ESD: variants seen among roughly 807,000 people sequenced by gnomAD.
ESD encodes the protein S-formylglutathione hydrolase.
ESD carries 34 observed loss-of-function variants against 38.1 expected under a neutral mutation model. That is an observed-to-expected ratio of 0.89 (90% confidence interval 0.68 to 1.19). The LOEUF (loss-of-function observed/expected upper bound fraction) is 1.19. Among genes scored for constraint, ESD ranks in the 50% most tolerant of loss-of-function variants. The pLI is 0.00. For missense variants in ESD, 334 were observed against 327.2 expected, an observed-to-expected ratio of 1.02 and a Z score of -0.16; for synonymous variants, 97 against 107.0, an observed-to-expected ratio of 0.91 and a Z score of 0.58.
chr13:46,775,418 G>A (rs570472656), intron 9 of ESD: 19 of 219,738 alleles, frequency 8.6e-5, no homozygotes, highest in South Asian at 4.9e-4. Flanking sequence ...TTCTCAGATC[G>A]TTTATTTATA....
At chr13:46,773,324 T>G (rs766704454) in intron 9 of ESD, among the ~76,000 whole-genome samples, 20 of 152,216 alleles carry the variant, frequency 1.3e-4, no homozygotes, top group Non-Finnish European at 2.2e-4. Flanking sequence ...CACCACACTA[T>G]CTTCTACAAT....
chr13:46,791,447 T>A (rs2138304513), intron 2 of ESD, 27 bp from the exon 3 acceptor site: 1 of 1,553,608 alleles, frequency 6.4e-7, no homozygotes, highest in African/African-American at 1.4e-5. Context: ...ATCTCATTAA[T>A]TTCCAGAGAA....
At chr13:46,787,343 T>A (rs1326108171) in intron 3 of ESD, among the ~76,000 whole-genome samples, 2 of 152,014 alleles carry the variant, frequency 1.3e-5, no homozygotes, top group Non-Finnish European at 2.9e-5. Context: ...ATACTTTGCA[T>A]GGCACTGTCA....
At chr13:46,784,588 A>T in intron 4 of ESD, among the ~76,000 whole-genome samples, 1 of 152,102 alleles carries the variant, frequency 6.6e-6, no homozygotes, top group East Asian at 1.9e-4. Context: ...TAAAAGTTGA[A>T]ATTATTAAAA....
chr13:46,775,146 T>C (rs763807666), intron 9 of ESD, among the ~76,000 whole-genome samples: 2 of 152,072 alleles, frequency 1.3e-5, no homozygotes, highest in Non-Finnish European at 2.9e-5. Flanking sequence ...ATTTGATCTC[T>C]GTACACTAGA....
At chr13:46,772,273 A>G (rs113723634) in intron 9 of ESD, among the ~76,000 whole-genome samples, 8 of 152,348 alleles carry the variant, frequency 5.3e-5, no homozygotes, top group African/African-American at 1.9e-4. Flanking sequence ...TAAGCAGTTA[A>G]GTTGAAAGAG....
In ESD at chr13:46,771,336, T is replaced by A. The variant is rs1450595947; in HGVS notation, c.*80A>T. On this transcript the variant is annotated 3_prime_UTR_variant, in exon 10 of 10. Transcript: ENST00000378720. ...CACTATAAAATCCAATGTTTTGAAT[T>A]TTTTTTTTTTTTGCTCAGCAATACA... 1.2e-5 allele frequency: 8 copies of A among 659,944 alleles called. No individual in the cohort carries two copies. The highest frequency in any genetic ancestry group is 1.6e-5 in the Non-Finnish European group (7 of 429,434). 40.9% of individuals were successfully genotyped at this position (659,944 alleles called of 1,614,324 possible).
intron 4 of ESD, 100 bp from the exon 5 acceptor site, chr13:46,784,450 G>A (rs930590373): frequency 1.6e-5 from 13 of 798,184 alleles, no homozygotes; most frequent in South Asian, 6.8e-5. Flanking sequence ...AGACGGACAA[G>A]GGCTGAAAAA....
intron 9 of ESD, among the ~76,000 whole-genome samples, chr13:46,773,491 T>C (rs1277092151): frequency 6.6e-6 from 1 of 152,224 alleles, no homozygotes. Flanking sequence ...AACTAGTGAA[T>C]GGTCACTGAT....
chr13:46,796,075 T>C (rs1457075471), intron 1 of ESD, among the ~76,000 whole-genome samples: 3 of 152,218 alleles, frequency 2.0e-5, no homozygotes, highest in South Asian at 2.1e-4. Flanking sequence ...CACCTTCACA[T>C]GGCTCTAAAT....
chr13:46,777,570 T>C lies in ESD; in HGVS notation c.654A>G (p.Ile218Met), dbSNP rs1428505052. 7 of 1,611,264 alleles carry C rather than the reference T, an allele frequency of 4.3e-6. No homozygotes were observed. Among genetic ancestry groups the C allele is most frequent in the Non-Finnish European group, 5.9e-6 (7 of 1,178,194 alleles). Residue 218 changes from isoleucine (I) to methionine (M), a missense_variant, in exon 9 of 10, where the codon ATA becomes ATG. Ile to Met is a conservative substitution (Grantham distance 10, BLOSUM62 1). Coordinates refer to ENST00000378720, the MANE Select transcript of ESD (RefSeq NM_001984.2). ...GGTCATCTTTCCCTTGATCAATTAG[T>C]ATGTCCAGCTGAGATCCTGGATAGG... The part of the protein sequence containing the change: ...VKSYPGSQLD[I>M]LIDQGKDDQF...
intron 9 of ESD, chr13:46,775,726 G>C (rs1201633377): frequency 2.1e-6 from 1 of 466,512 alleles, no homozygotes; most frequent in Admixed American, 2.4e-5. Flanking sequence ...TTGCACCTGA[G>C]CTCAACATTG....
intron 5 of ESD, 52 bp from the exon 6 acceptor site, chr13:46,782,843 T>C (rs778065238): frequency 6.3e-7 from 1 of 1,594,958 alleles, no homozygotes; most frequent in Non-Finnish European, 8.5e-7. Flanking sequence ...ATGGCCCATG[T>C]TTAATAACAC....
At chr13:46,792,490 TA>T (rs1875433394) in intron 2 of ESD, among the ~76,000 whole-genome samples, 2 of 152,080 alleles carry the variant, frequency 1.3e-5, no homozygotes, top group East Asian at 3.8e-4. Flanking sequence ...ATTTCTTCAA[TA>T]AACCCAAATA....
chr13:46,794,597 C>A lies in ESD; in HGVS notation c.-55-1153G>T, dbSNP rs1190834716. Among the ~76,000 whole-genome samples, 4 of 140,804 alleles carry A rather than the reference C, an allele frequency of 2.8e-5. No individual in the cohort carries two copies. The East Asian group carries it at 7.7e-4, about 27-fold the overall frequency. The allele number at this position is 140,804 out of a possible 152,430, so 92.4% of individuals were successfully genotyped here. A position where few individuals can be genotyped will look rare whatever the true frequency, so the allele number is the denominator to read the frequency against. On this transcript the variant is annotated intron_variant, in intron 1 of 9. Transcript: ENST00000378720. ...GAGTTCTATTTTTATCCTTCTTCCC[C>A]TGTGTCTCAAGTTTTCCATAAATCT...
At chr13:46,775,153 T>C (rs1422454776) in intron 9 of ESD, among the ~76,000 whole-genome samples, 2 of 152,074 alleles carry the variant, frequency 1.3e-5, no homozygotes. Context: ...CTCTGTACAC[T>C]AGATATCAGA....
At chr13:46,785,414 C>T (rs1046075696) in intron 4 of ESD, among the ~76,000 whole-genome samples, 1 of 151,952 alleles carries the variant, frequency 6.6e-6, no homozygotes, top group Non-Finnish European at 1.5e-5. Flanking sequence ...GGGTACACAG[C>T]TAATAAAGGG....
At chr13:46,790,326 G>A (rs1414184140) in intron 3 of ESD, among the ~76,000 whole-genome samples, 1 of 152,070 alleles carries the variant, frequency 6.6e-6, no homozygotes, top group African/African-American at 2.4e-5. Context: ...GTGCCTACAG[G>A]TGGAGTTGTC....
At chr13:46,780,763 A>G (rs1233172185) in intron 7 of ESD, among the ~76,000 whole-genome samples, 2 of 151,866 alleles carry the variant, frequency 1.3e-5, no homozygotes, top group Middle Eastern at 3.4e-3. Context: ...CCACAGAAAG[A>G]AACTGTTATG....
Sources: gnomAD v4.1 joint callset for allele counts (sites outside exome capture counted in the v4.1 genomes callset) on GRCh38, gnomAD v4.1.1 for gene constraint, MANE v1.5 for transcripts, NCBI Gene and HGNC (gene_info 2026-07-23, HGNC 2026-07-21) for gene names.